SPOPL: variants seen among roughly 807,000 people sequenced by gnomAD.
The protein encoded by SPOPL is speckle type BTB/POZ protein like.
SPOPL carries 23 observed loss-of-function variants against 53.8 expected under a neutral mutation model. The observed-to-expected ratio is 0.43, with a 90% CI of 0.31 to 0.61. The LOEUF is 0.61. Ranked by LOEUF, SPOPL falls within the 20% of genes least tolerant of loss-of-function variation. The pLI, the probability that SPOPL is intolerant of heterozygous loss-of-function variation, is 0.12. For missense variants in SPOPL, 442 were observed against 466.9 expected (o/e 0.95, Z 0.49); for synonymous variants, 164 against 149.7 (o/e 1.10, Z -0.70).
intron 1 of SPOPL, among the ~76,000 whole-genome samples, chr2:138,530,769 G>A (rs577127707): frequency 3.9e-5 from 6 of 152,100 alleles, no homozygotes; most frequent in East Asian, 3.9e-4. Context: ...AATAGTGACC[G>A]TTTTCTTTAT....
At chr2:138,516,880 A>AT (rs1684449046) in intron 1 of SPOPL, among the ~76,000 whole-genome samples, 1 of 152,206 alleles carries the variant, frequency 6.6e-6, no homozygotes, top group Non-Finnish European at 1.5e-5. Flanking sequence ...ATCTGCTTTA[A>AT]TTGAGTATTT....
chr2:138,510,159 T>C (rs1380905311), intron 1 of SPOPL, among the ~76,000 whole-genome samples: 3 of 152,222 alleles, frequency 2.0e-5, no homozygotes, highest in Non-Finnish European at 4.4e-5. Flanking sequence ...GTTTTGCAGA[T>C]TATGAGTAAA....
In SPOPL at chr2:138,572,984, TGAA is replaced by T. The variant is rs893568035; in HGVS notation, c.*3907_*3909del. On this transcript the variant is annotated 3_prime_UTR_variant, in exon 11 of 11. Transcript: ENST00000280098. ...AAATTTTGCATTCAGTTTTAAAAAA[TGAA>T]GATGTAACTTACCTGAGTCTCATTT... The T allele has an allele frequency of 1.3e-5, 2 of 152,316 alleles. No homozygotes were observed. The highest frequency in any genetic ancestry group is 2.4e-5 in the African/African-American group (1 of 41,452). 9.4% of individuals were successfully genotyped at this position (152,316 alleles called of 1,614,324 possible).
Position 138,550,211 on chromosome 2 carries a change from G to T in SPOPL, c.-6G>T, listed in dbSNP as rs934516583. On this transcript the variant is annotated 5_prime_UTR_variant, in exon 2 of 11. Coordinates refer to ENST00000280098, the MANE Select transcript of SPOPL (RefSeq NM_001001664.3). ...ATAAATCCTGAAAGACTACAATAAAGTGGTGATGTCTCGGGAACCCACCCC... is the reference window on the plus strand; with the variant it reads ...ATAAATCCTGAAAGACTACAATAAATTGGTGATGTCTCGGGAACCCACCCC... 2 of 1,613,048 alleles carry T rather than the reference G, an allele frequency of 1.2e-6. No homozygotes were observed. The highest frequency in any genetic ancestry group is 3.3e-5 in the Admixed American group (2 of 59,880).
intron 1 of SPOPL, among the ~76,000 whole-genome samples, chr2:138,539,689 A>C (rs1455444603): frequency 1.3e-5 from 2 of 152,054 alleles, no homozygotes; most frequent in Non-Finnish European, 2.9e-5. Context: ...ATTTTCTCCC[A>C]TTCTGTAGGT....
At position 138,571,538 on chromosome 2, in the gene SPOPL, A is replaced by T. The variant is rs1685781116; in HGVS notation, c.*2458A>T. On this transcript the variant is annotated 3_prime_UTR_variant, in exon 11 of 11. Transcript: ENST00000280098. The stretch of plus-strand genomic sequence containing the variant: ...AACAGAATCATATGGTAGTTGATTT[A>T]TTTTTTTATTTATTATGTATATTTT... 1.3e-5 allele frequency: 2 copies of T among 152,574 alleles called. No homozygotes were observed. Among genetic ancestry groups the T allele is most frequent in the Middle Eastern group, 3.4e-3 (1 of 294 alleles). 9.5% of individuals were successfully genotyped at this position (152,574 alleles called of 1,614,324 possible).
intron 1 of SPOPL, among the ~76,000 whole-genome samples, chr2:138,517,301 A>G (rs1684459384): frequency 6.6e-6 from 1 of 152,162 alleles, no homozygotes; most frequent in Admixed American, 6.5e-5. Flanking sequence ...TATCTTTTAG[A>G]ACTTCCGACA....
intron 5 of SPOPL, chr2:138,554,498 G>T (rs1219368554): frequency 2.3e-6 from 3 of 1,289,694 alleles, no homozygotes; most frequent in East Asian, 1.1e-4. Flanking sequence ...CTAAAGAACT[G>T]CCTCCTCCCC....
At position 138,541,138 on chromosome 2, in the gene SPOPL, A is replaced by G. The variant is rs563329887; in HGVS notation, c.-60-9019A>G. On this transcript the variant is annotated intron_variant, in intron 1 of 10. Transcript: ENST00000280098. ...CGCTTCTTGATGTGCTGCTGGATTCAGTTTGCCAGTATTTTATTGAGGATT... is the reference window on the plus strand; with the variant it reads ...CGCTTCTTGATGTGCTGCTGGATTCGGTTTGCCAGTATTTTATTGAGGATT... Among the ~76,000 whole-genome samples, 2 of 152,252 alleles carry G rather than the reference A, an allele frequency of 1.3e-5. 1 individual carries two copies. The highest frequency in any genetic ancestry group is 4.1e-4 in the South Asian group (2 of 4,826).
intron 1 of SPOPL, among the ~76,000 whole-genome samples, chr2:138,541,435 T>C (rs148994875): frequency 0.16 from 23,988 of 152,158 alleles, 2,233 homozygotes; most frequent in African/African-American, 0.26. Flanking sequence ...GTTATTGGTC[T>C]ATTCAGAGAT....
intron 5 of SPOPL, among the ~76,000 whole-genome samples, chr2:138,553,296 T>C (rs1275240570): frequency 1.3e-5 from 2 of 152,116 alleles, no homozygotes; most frequent in Non-Finnish European, 2.9e-5. Context: ...TTGTCCTAAT[T>C]TGATGTTTGG....
chr2:138,539,488 C>T (rs56980884), intron 1 of SPOPL, among the ~76,000 whole-genome samples: 1,774 of 152,276 alleles, frequency 0.012, 39 homozygotes, highest in African/African-American at 0.04. Flanking sequence ...ATTTGCATTT[C>T]TCTGATGGCC....
chr2:138,505,943 T>C (rs1217221837), intron 1 of SPOPL, among the ~76,000 whole-genome samples: 1 of 152,182 alleles, frequency 6.6e-6, no homozygotes, highest in Non-Finnish European at 1.5e-5. Context: ...TTCAACTTTC[T>C]GGACCTGGAA....
In SPOPL at chr2:138,558,202, G is replaced by A. The variant is rs570317716; in HGVS notation, c.481-820G>A. Reference sequence around the variant, plus strand: ...TAAATAAATTTTTTTAAAAAGTGGTGTGCAAGACTTAATAGTGTTTTAGGA... The same window carrying A: ...TAAATAAATTTTTTTAAAAAGTGGTATGCAAGACTTAATAGTGTTTTAGGA... On this transcript the variant is annotated intron_variant, in intron 5 of 10. Coordinates refer to ENST00000280098, the MANE Select transcript of SPOPL (RefSeq NM_001001664.3). 2.0e-5 allele frequency among the ~76,000 whole-genome samples: 3 copies of A among 152,182 alleles called. No homozygotes were observed. In the East Asian group the frequency reaches 5.8e-4, roughly 29 times the overall value.
chr2:138,512,485 C>G (rs905487154), intron 1 of SPOPL, among the ~76,000 whole-genome samples: 1 of 151,982 alleles, frequency 6.6e-6, no homozygotes, highest in Non-Finnish European at 1.5e-5. Context: ...TTAAAATATA[C>G]TGCTTTTTCA....
intron 1 of SPOPL, among the ~76,000 whole-genome samples, chr2:138,524,711 G>A (rs779620431): frequency 1.3e-5 from 2 of 152,126 alleles, no homozygotes; most frequent in Admixed American, 6.6e-5. Flanking sequence ...TTGCTAAAAC[G>A]TAACAAGACC....
At chr2:138,564,658 G>A in intron 8 of SPOPL, 50 bp from the exon 9 acceptor site, 2 of 1,601,040 alleles carry the variant, frequency 1.2e-6, no homozygotes, top group Non-Finnish European at 1.7e-6. Flanking sequence ...CATGTATTCA[G>A]GAACTTAGTT....
At chr2:138,542,195 A>C (rs1222972863) in intron 1 of SPOPL, among the ~76,000 whole-genome samples, 1 of 152,200 alleles carries the variant, frequency 6.6e-6, no homozygotes, top group African/African-American at 2.4e-5. Context: ...GTGCTGCTGA[A>C]AAAAATGTAT....
intron 1 of SPOPL, among the ~76,000 whole-genome samples, chr2:138,511,672 A>G (rs1684327953): frequency 2.0e-5 from 3 of 152,224 alleles, no homozygotes. Flanking sequence ...AATTTCAGAA[A>G]TGTTAAAATG....
Sources: allele counts gnomAD v4.1 joint callset (sites outside exome capture counted in the v4.1 genomes callset), GRCh38; gene constraint gnomAD v4.1.1; transcripts MANE v1.5; gene names NCBI Gene and HGNC (gene_info 2026-07-23, HGNC 2026-07-21).